The following GSDMB variants were observed in gnomAD, a reference collection of about 807,000 sequenced individuals.
The protein encoded by GSDMB is gasdermin-B.
A neutral mutation model predicts 42.9 loss-of-function variants in GSDMB; 32 were observed. That is an observed-to-expected ratio of 0.75 (90% CI 0.56 to 1.00). The LOEUF (loss-of-function observed/expected upper bound fraction) is 1.00, where lower values mean the gene tolerates loss of function less well. GSDMB is among the 50% of genes least tolerant of loss of function. The probability of loss-of-function intolerance (pLI) is 0.00; values close to 1 mark genes in which losing one functional copy is unlikely to be tolerated. For missense variants in GSDMB, 468 were observed against 498.5 expected (o/e 0.94, Z 0.58); for synonymous variants, 175 against 193.7 (o/e 0.90, Z 0.80).
chr17:39,905,034 A>G, intron 10 of GSDMB, 70 bp from the exon 11 acceptor site: 2 of 1,319,202 alleles, frequency 1.5e-6, no homozygotes, highest in Non-Finnish European at 2.2e-6. Context: ...ATATTTGGCC[A>G]CACTCCTTGC....
intron 2 of GSDMB, among the ~76,000 whole-genome samples, chr17:39,913,559 C>T (rs2063654738): frequency 6.6e-6 from 1 of 152,176 alleles, no homozygotes; most frequent in Non-Finnish European, 1.5e-5. Flanking sequence ...GCAAAGACTG[C>T]AGTGAGCCAA....
chr17:39,905,863 G>C lies in GSDMB; in HGVS notation c.1011C>G (p.Phe337Leu). ...CTTCCTCACCTAGCAGGGCATCCAG[G>C]AAGTCCAGAATGGCTTTTGCACGCG... is the stretch of plus-strand genomic sequence containing the variant. ...VEARAKAILD[F>L]LDALLELSEE... The change falls in exon 9 of 11, where the codon TTC becomes TTG. Residue 337 changes from phenylalanine (F) to leucine (L), a missense_variant. By Grantham distance (22) the Phe-to-Leu change is conservative. Transcript: ENST00000418519. The C allele has an allele frequency of 6.2e-7, 1 of 1,613,942 alleles. No individual in the cohort carries two copies. The highest frequency in any genetic ancestry group is 8.5e-7 in the Non-Finnish European group (1 of 1,179,932).
chr17:39,914,410 A>C (rs2063668815), intron 2 of GSDMB, among the ~76,000 whole-genome samples: 1 of 152,220 alleles, frequency 6.6e-6, no homozygotes, highest in Non-Finnish European at 1.5e-5. Flanking sequence ...TGACAACGAA[A>C]TGTAATGTAG....
rs374069538 is a variant in GSDMB at position 39,913,968 on chromosome 17, G to A, written c.236-1471C>T. On this transcript the variant is annotated intron_variant, in intron 2 of 10. Coordinates refer to ENST00000418519, the MANE Select transcript of GSDMB (RefSeq NM_001165958.2). Reference sequence around the variant, plus strand: ...CTGAAATCACTATTTGTGTGTACATGAGACACTAATGTCTTAGGGACCATT... The same window carrying A: ...CTGAAATCACTATTTGTGTGTACATAAGACACTAATGTCTTAGGGACCATT... 4.6e-5 allele frequency among the ~76,000 whole-genome samples: 7 copies of A among 152,166 alleles called. No individual in the cohort carries two copies. The East Asian group carries it at 1.2e-3, about 25-fold the overall frequency.
At chr17:39,911,659 T>C (rs902348621) in intron 3 of GSDMB, among the ~76,000 whole-genome samples, 1 of 152,198 alleles carries the variant, frequency 6.6e-6, no homozygotes, top group African/African-American at 2.4e-5. Flanking sequence ...CAGTACCTAC[T>C]GTGTGCTTGG....
At chr17:39,917,364 G>A (rs1385133640) in intron 1 of GSDMB, 34 bp from the exon 2 acceptor site, 12 of 1,229,102 alleles carry the variant, frequency 9.8e-6, no homozygotes, top group African/African-American at 1.5e-5. Context: ...GTTTTTGGGA[G>A]GAGGGTATTG....
In GSDMB at chr17:39,908,939, T is replaced by G. The variant is rs2063556590; in HGVS notation, c.661+19A>C. On this transcript the variant is annotated intron_variant, in intron 5 of 10. Transcript: ENST00000418519. Reference sequence around the variant, plus strand: ...GTGTTTAGGGCCCCCCATCCTGTTCTCCATCTGCCTTTGCTTACTCATCGT... The same window carrying G: ...GTGTTTAGGGCCCCCCATCCTGTTCGCCATCTGCCTTTGCTTACTCATCGT... 2.6e-6 allele frequency: 4 copies of G among 1,515,454 alleles called. No individual in the cohort carries two copies. The highest frequency in any genetic ancestry group is 3.7e-6 in the Non-Finnish European group (4 of 1,093,418). The allele number at this position is 1,515,454 out of a possible 1,614,324, so 93.9% of individuals were successfully genotyped here. A position where few individuals can be genotyped will look rare whatever the true frequency, so the allele number is the denominator to read the frequency against.
At chr17:39,907,328 T>A (rs2063522789) in intron 6 of GSDMB, 2 of 375,174 alleles carry the variant, frequency 5.3e-6, no homozygotes, top group Non-Finnish European at 7.7e-6. Context: ...CCTGCTGGGA[T>A]CAAGGGGAAA....
chr17:39,904,838 C>T lies in GSDMB; in HGVS notation c.1225G>A (p.Glu409Lys), dbSNP rs781756645. The T allele has an allele frequency of 5.5e-5, 89 of 1,613,924 alleles. 1 individual carries two copies. In the South Asian group the frequency reaches 7.9e-4, roughly 14 times the overall value. The change falls in exon 11 of 11, where the codon GAG becomes AAG. Residue 409 changes from glutamate to lysine, a missense_variant. Physicochemically the swap from Glu to Lys is moderately conservative, Grantham distance 56. Coordinates refer to ENST00000418519, the MANE Select transcript of GSDMB (RefSeq NM_001165958.2). ...VVVSILLELA[E>K]GPTSVSS ...TAGGAAGAGACAGAGGTAGGCCCCT[C>T]AGCCAGCTCCAGCAGGATAGAGACA...
At chr17:39,910,620 C>G (rs1406144900) in intron 3 of GSDMB, among the ~76,000 whole-genome samples, 1 of 152,222 alleles carries the variant, frequency 6.6e-6, no homozygotes, top group Admixed American at 6.5e-5. Context: ...AAGACACCCT[C>G]TTCTCTGACA....
chr17:39,917,158 T>G lies in GSDMB; in HGVS notation c.159A>C (p.Thr53=). The change falls in exon 2 of 11, where the codon ACA becomes ACC. Residue 53 remains threonine, a synonymous_variant. Coordinates refer to ENST00000418519, the MANE Select transcript of GSDMB (RefSeq NM_001165958.2). The part of the protein sequence containing the change: ...KRTFFGCRHY[T]TGLTLMDILD... ...GAATGTCCATCAGGGTGAGGCCTGT[T>G]GTGTAGTGCCGGCATCCAAAGAAAG... 1 of 1,614,164 alleles carries G rather than the reference T, an allele frequency of 6.2e-7. No individual in the cohort carries two copies. Among genetic ancestry groups the G allele is most frequent in the Non-Finnish European group, 8.5e-7 (1 of 1,180,012 alleles).
Position 39,904,747 on chromosome 17 carries a change from T to C in GSDMB, c.*65A>G, listed in dbSNP as rs1288247571. 1 of 1,359,012 alleles carries C rather than the reference T, an allele frequency of 7.4e-7. No homozygotes were observed. The highest frequency in any genetic ancestry group is 1.0e-6 in the Non-Finnish European group (1 of 965,116). The allele number at this position is 1,359,012 out of a possible 1,614,324, so 84.2% of individuals were successfully genotyped here. On this transcript the variant is annotated 3_prime_UTR_variant, in exon 11 of 11. Transcript: ENST00000418519. ...ACTGGTGACAGGATGGTAGTGGCGA[T>C]GGCAGTGAGGACAGACTGGTAAAGG...
At position 39,918,591 on chromosome 17, in the gene GSDMB, C is replaced by G. The variant is rs2063757212; in HGVS notation, c.-72G>C. 1 of 152,372 alleles carries G rather than the reference C, an allele frequency of 6.6e-6. No individual in the cohort carries two copies. Among genetic ancestry groups the G allele is most frequent in the Non-Finnish European group, 1.5e-5 (1 of 68,106 alleles). 9.4% of individuals were successfully genotyped at this position (152,372 alleles called of 1,614,324 possible). On this transcript the variant is annotated 5_prime_UTR_variant, in exon 1 of 11. Coordinates refer to ENST00000418519, the MANE Select transcript of GSDMB (RefSeq NM_001165958.2). ...GGAAGTTGTGAGAATCCCCACAGAT[C>G]TCTGCACAGTTCCTGGCCTCTGAAT...
At chr17:39,906,828 T>C in intron 7 of GSDMB, 133 bp downstream of exon 7, 1 of 1,527,606 alleles carries the variant, frequency 6.5e-7, no homozygotes, top group South Asian at 1.3e-5. Context: ...CAGACTAAAG[T>C]TGAAACCTGC....
intron 9 of GSDMB, 80 bp from the exon 10 acceptor site, chr17:39,905,576 G>T (rs1166625464): frequency 2.5e-6 from 3 of 1,181,618 alleles, no homozygotes; most frequent in Admixed American, 3.8e-5. Context: ...CCCAGAACAT[G>T]TATCATCAAA....
chr17:39,917,889 T>C (rs2063745433), intron 1 of GSDMB: 1 of 155,584 alleles, frequency 6.4e-6, no homozygotes, highest in African/African-American at 2.4e-5. Flanking sequence ...CTGCCTTACT[T>C]CTAGAACGTG....
Position 39,917,235 on chromosome 17 carries a change from G to A in GSDMB, c.82C>T (p.Leu28Phe). ...AGGDMIAVRSLVDADRFRCFH... is the reference protein window; with the variant it reads ...AGGDMIAVRSFVDADRFRCFH... ...CAGCGGAATCTATCAGCATCAACAA[G>A]GCTTCTAACGGCAATCATATCCCCT... The change falls in exon 2 of 11, where the codon CTT becomes TTT. Residue 28 changes from leucine (L) to phenylalanine (F), a missense_variant. Physicochemically the swap from Leu to Phe is conservative, Grantham distance 22. Coordinates refer to ENST00000418519, the MANE Select transcript of GSDMB (RefSeq NM_001165958.2). The A allele has an allele frequency of 1.2e-6, 2 of 1,614,008 alleles. No individual in the cohort carries two copies. Among genetic ancestry groups the A allele is most frequent in the Non-Finnish European group, 1.7e-6 (2 of 1,179,908 alleles).
intron 2 of GSDMB, among the ~76,000 whole-genome samples, chr17:39,912,833 C>T (rs1043380696): frequency 3.9e-5 from 6 of 152,200 alleles, no homozygotes; most frequent in African/African-American, 1.4e-4. Flanking sequence ...GGGCTGGGCA[C>T]AGTGGCTCAC....
Position 39,908,162 on chromosome 17 carries a change from AG to A in GSDMB, c.700+13del. 7.0e-7 allele frequency: 1 copy of A among 1,438,304 alleles called. No homozygotes were observed. The highest frequency in any genetic ancestry group is 9.6e-7 in the Non-Finnish European group (1 of 1,041,928). The allele number at this position is 1,438,304 out of a possible 1,614,324, so 89.1% of individuals were successfully genotyped here. A position where few individuals can be genotyped will look rare whatever the true frequency, so the allele number is the denominator to read the frequency against. On this transcript the variant is annotated intron_variant, in intron 6 of 10. Transcript: ENST00000418519. ...TTCTGAAATGACGAACGGGAAGCCC[AG>A]CAGCTCACTCACCTTCTGGAAAGGA...
Sources: gnomAD v4.1 joint callset for allele counts (sites outside exome capture counted in the v4.1 genomes callset) on GRCh38, gnomAD v4.1.1 for gene constraint, MANE v1.5 for transcripts, NCBI Gene and HGNC (gene_info 2026-07-23, HGNC 2026-07-21) for gene names.